Variants in SRD5A1 observed in about 807,000 individuals in gnomAD.
SRD5A1 encodes the protein 3-oxo-5-alpha-steroid 4-dehydrogenase 1.
In SRD5A1, 22 loss-of-function variants were observed where a neutral mutation model predicts 28.2. That is an observed-to-expected ratio of 0.78 (90% CI 0.56 to 1.12). The LOEUF (loss-of-function observed/expected upper bound fraction) is 1.12, where lower values mean the gene tolerates loss of function less well. SRD5A1 is among the 50% of genes most tolerant of loss of function. The pLI is 0.00. For synonymous variants in SRD5A1, 151 were observed against 135.0 expected (o/e 1.12, Z -0.82); for missense variants, 300 against 346.7 (o/e 0.87, Z 1.07).
At chr5:6,648,661 T>A (rs1165905654) in intron 1 of SRD5A1, among the ~76,000 whole-genome samples, 1 of 152,208 alleles carries the variant, frequency 6.6e-6, no homozygotes, top group Non-Finnish European at 1.5e-5. Context: ...TAGCAATTCC[T>A]CTAACCTTTT....
chr5:6,658,700 G>A (rs1270730658), intron 3 of SRD5A1, among the ~76,000 whole-genome samples: 1 of 152,004 alleles, frequency 6.6e-6, no homozygotes, highest in Non-Finnish European at 1.5e-5. Flanking sequence ...GTACTAACCA[G>A]GCTCAGCCTT....
chr5:6,661,240 A>T (rs571017182), intron 3 of SRD5A1, among the ~76,000 whole-genome samples: 3 of 152,176 alleles, frequency 2.0e-5, no homozygotes, highest in Non-Finnish European at 2.9e-5. Flanking sequence ...CTTTCTTTTT[A>T]AAAAAATAGA....
chr5:6,674,211 T>C lies in SRD5A1; in HGVS notation c.*5943T>C, dbSNP rs1264405689. The C allele has an allele frequency of 3.3e-5, 5 of 152,122 alleles. No homozygotes were observed. The highest frequency in any genetic ancestry group is 5.9e-5 in the Non-Finnish European group (4 of 68,010). 9.4% of individuals were successfully genotyped at this position (152,122 alleles called of 1,614,324 possible). On this transcript the variant is annotated 3_prime_UTR_variant, in exon 5 of 5. Coordinates refer to ENST00000274192, the MANE Select transcript of SRD5A1 (RefSeq NM_001047.4). The stretch of plus-strand genomic sequence containing the variant: ...CTACTTAATTTTTGCTTTATTATTA[T>C]TATGTTAATATCATCAACTGTAACT...
chr5:6,670,545 A>C lies in SRD5A1; in HGVS notation c.*2277A>C, dbSNP rs1166563954. The C allele has an allele frequency of 6.6e-6, 1 of 152,274 alleles. No homozygotes were observed. Among genetic ancestry groups the C allele is most frequent in the Non-Finnish European group, 1.5e-5 (1 of 68,070 alleles). The allele number at this position is 152,274 out of a possible 1,614,324, so 9.4% of individuals were successfully genotyped here. A position where few individuals can be genotyped will look rare whatever the true frequency, so the allele number is the denominator to read the frequency against. ...AGTCTCCAAGGCCAGCGGTGCATGC[A>C]TTTGTGCATTCAACAACATTTGCCA... is the stretch of plus-strand genomic sequence containing the variant. On this transcript the variant is annotated 3_prime_UTR_variant, in exon 5 of 5. Coordinates refer to ENST00000274192, the MANE Select transcript of SRD5A1 (RefSeq NM_001047.4).
intron 4 of SRD5A1, among the ~76,000 whole-genome samples, chr5:6,663,392 A>G (rs566639806): frequency 6.6e-6 from 1 of 152,352 alleles, no homozygotes; most frequent in Non-Finnish European, 1.5e-5. Flanking sequence ...TCATACACAC[A>G]AGAGCTCTCC....
rs748207745 is a variant in SRD5A1 at position 6,633,852 on chromosome 5, C to T, written c.276C>T (p.Leu92=). The change falls in exon 1 of 5, where the codon CTC becomes CTT. Residue 92 remains leucine (L), a synonymous_variant. Transcript: ENST00000274192. ...APNCILLAMF[L]VHYGHRCLIY... is the part of the protein sequence containing the mutation. ...ACTGCATCCTCCTGGCCATGTTCCT[C>T]GTCCACTACGGGCATCGGTAACGTC... is the stretch of plus-strand genomic sequence containing the variant. The T allele has an allele frequency of 4.7e-5, 75 of 1,597,154 alleles. No homozygotes were observed. The highest frequency in any genetic ancestry group is 1.6e-4 in the Middle Eastern group (1 of 6,076).
chr5:6,659,955 C>T (rs190294054), intron 3 of SRD5A1, among the ~76,000 whole-genome samples: 9 of 152,178 alleles, frequency 5.9e-5, no homozygotes, highest in African/African-American at 2.2e-4. Context: ...TTCTAATACA[C>T]AGGTGTGCCG....
chr5:6,669,766 G>C lies in SRD5A1; in HGVS notation c.*1498G>C, dbSNP rs1454047306. 1 of 152,218 alleles carries C rather than the reference G, an allele frequency of 6.6e-6. No homozygotes were observed. Among genetic ancestry groups the C allele is most frequent in the Admixed American group, 6.5e-5 (1 of 15,280 alleles). The allele number at this position is 152,218 out of a possible 1,614,324, so 9.4% of individuals were successfully genotyped here. On this transcript the variant is annotated 3_prime_UTR_variant, in exon 5 of 5. Coordinates refer to ENST00000274192, the MANE Select transcript of SRD5A1 (RefSeq NM_001047.4). The stretch of plus-strand genomic sequence containing the variant: ...TTGAGAGCTTCCAGTTAAATCTGAT[G>C]AGCTGAACATACACCTTTCCTTCTC...
chr5:6,656,106 G>A lies in SRD5A1; in HGVS notation c.489G>A (p.Leu163=). The change falls in exon 3 of 5, where the codon TTG becomes TTA. Residue 163 remains leucine (L), a synonymous_variant. Coordinates refer to ENST00000274192, the MANE Select transcript of SRD5A1 (RefSeq NM_001047.4). ...IGFGLWLTGM[L]INIHSDHILR... Reference sequence around the variant, plus strand: ...TTGGCTTGTGGTTAACGGGCATGTTGATAAACATCCATTCAGATCATATCC... The same window carrying A: ...TTGGCTTGTGGTTAACGGGCATGTTAATAAACATCCATTCAGATCATATCC... The A allele has an allele frequency of 6.2e-7, 1 of 1,613,938 alleles. No homozygotes were observed.
At position 6,669,523 on chromosome 5, in the gene SRD5A1, G is replaced by A. The variant is rs1239741987; in HGVS notation, c.*1255G>A. 2 of 152,150 alleles carry A rather than the reference G, an allele frequency of 1.3e-5. No homozygotes were observed. Among genetic ancestry groups the A allele is most frequent in the Non-Finnish European group, 2.9e-5 (2 of 68,026 alleles). 9.4% of individuals were successfully genotyped at this position (152,150 alleles called of 1,614,324 possible). A position where few individuals can be genotyped will look rare whatever the true frequency, so the allele number is the denominator to read the frequency against. Reference sequence around the variant, plus strand: ...GAGTTTTTAAATGCCATTTGTTTCAGTTGTCTTTAACAACATAATAAATAG... The same window carrying A: ...GAGTTTTTAAATGCCATTTGTTTCAATTGTCTTTAACAACATAATAAATAG... On this transcript the variant is annotated 3_prime_UTR_variant, in exon 5 of 5. Coordinates refer to ENST00000274192, the MANE Select transcript of SRD5A1 (RefSeq NM_001047.4).
At chr5:6,638,123 G>A (rs778349297) in intron 1 of SRD5A1, among the ~76,000 whole-genome samples, 1 of 152,172 alleles carries the variant, frequency 6.6e-6, no homozygotes, top group African/African-American at 2.4e-5. Flanking sequence ...TGGATCACAC[G>A]AGGTCAGGAG....
intron 1 of SRD5A1, chr5:6,644,855 C>T (rs2126531394): frequency 2.2e-6 from 1 of 455,954 alleles, no homozygotes; most frequent in Non-Finnish European, 4.4e-6. Context: ...TCCCAAATGC[C>T]AGCCCATGGT....
chr5:6,654,434 T>TTTG (rs1554001870), intron 2 of SRD5A1, among the ~76,000 whole-genome samples: 3 of 151,456 alleles, frequency 2.0e-5, no homozygotes, highest in South Asian at 2.1e-4. Context: ...TAAGTTTTTT[T>TTTG]TTTGTTTGTT....
intron 1 of SRD5A1, among the ~76,000 whole-genome samples, chr5:6,650,525 A>G (rs1050397757): frequency 6.6e-6 from 1 of 152,128 alleles, no homozygotes; most frequent in Non-Finnish European, 1.5e-5. Context: ...TCAAACAGAG[A>G]ATAACATTTT....
intron 3 of SRD5A1, among the ~76,000 whole-genome samples, chr5:6,656,758 G>T (rs1427890400): frequency 6.6e-6 from 1 of 152,104 alleles, no homozygotes; most frequent in East Asian, 1.9e-4. Context: ...GGTAGTGGTG[G>T]ACTCTCCTGG....
intron 3 of SRD5A1, among the ~76,000 whole-genome samples, chr5:6,659,984 G>A (rs182504842): frequency 1.3e-3 from 202 of 152,274 alleles, no homozygotes; most frequent in African/African-American, 4.5e-3. Context: ...CAGTGACTCC[G>A]TGAGGTCTTT....
At chr5:6,646,283 T>G (rs1738508290) in intron 1 of SRD5A1, among the ~76,000 whole-genome samples, 1 of 152,240 alleles carries the variant, frequency 6.6e-6, no homozygotes, top group Non-Finnish European at 1.5e-5. Context: ...TTTGCTATTG[T>G]GAACAGTACC....
intron 2 of SRD5A1, among the ~76,000 whole-genome samples, chr5:6,655,481 A>G (rs571087886): frequency 1.3e-5 from 2 of 152,364 alleles, no homozygotes; most frequent in African/African-American, 4.8e-5. Flanking sequence ...CCGAGGAGGA[A>G]GGACTGACCG....
intron 3 of SRD5A1, among the ~76,000 whole-genome samples, chr5:6,659,757 G>A (rs773851984): frequency 8.5e-5 from 13 of 152,142 alleles, no homozygotes; most frequent in Non-Finnish European, 1.6e-4. Flanking sequence ...CCCAAGGAAC[G>A]TGGAAGCCAA....
Sources: allele counts gnomAD v4.1 joint callset (sites outside exome capture counted in the v4.1 genomes callset), GRCh38; gene constraint gnomAD v4.1.1; transcripts MANE v1.5; gene names NCBI Gene and HGNC (gene_info 2026-07-23, HGNC 2026-07-21).